XPO7: variants seen among roughly 807,000 people sequenced by gnomAD.
XPO7 encodes the protein exportin-7.
In XPO7, 21 loss-of-function variants were observed where a neutral mutation model predicts 144.3. The observed-to-expected ratio is 0.15, with a 90% CI of 0.10 to 0.21. The LOEUF (loss-of-function observed/expected upper bound fraction) is 0.21, where lower values mean the gene tolerates loss of function less well. Ranked by LOEUF, XPO7 falls within the 10% of genes least tolerant of loss-of-function variation. The pLI, the probability that XPO7 is intolerant of heterozygous loss-of-function variation, is 1.00. For missense variants in XPO7, 808 were observed against 1,325.8 expected, an observed-to-expected ratio of 0.61 and a Z score of 6.06; for synonymous variants, 580 against 499.6, an observed-to-expected ratio of 1.16 and a Z score of -2.15.
At chr8:21,971,312 A>G (rs1175614336) in intron 4 of XPO7, among the ~76,000 whole-genome samples, 1 of 152,194 alleles carries the variant, frequency 6.6e-6, no homozygotes, top group Admixed American at 6.5e-5. Flanking sequence ...GACTGTATCT[A>G]CTTCCACAAA....
chr8:21,937,956 T>C (rs1810873647), intron 1 of XPO7, among the ~76,000 whole-genome samples: 1 of 152,184 alleles, frequency 6.6e-6, no homozygotes, highest in East Asian at 1.9e-4. Context: ...AAATAAGATA[T>C]AGATAATATT....
intron 1 of XPO7, among the ~76,000 whole-genome samples, chr8:21,932,804 C>G (rs948842124): frequency 6.6e-5 from 10 of 152,120 alleles, no homozygotes; most frequent in Non-Finnish European, 1.3e-4. Flanking sequence ...CAACTGTAGG[C>G]TATTCATTGT....
chr8:21,958,538 C>T (rs2117306372), intron 1 of XPO7, among the ~76,000 whole-genome samples: 1 of 151,656 alleles, frequency 6.6e-6, no homozygotes, highest in Admixed American at 6.6e-5. Context: ...CATAGCACTT[C>T]AGCACTCTGT....
intron 15 of XPO7, chr8:21,988,391 T>A (rs1343330551): frequency 6.4e-6 from 1 of 157,154 alleles, no homozygotes; most frequent in Non-Finnish European, 1.4e-5. Context: ...TTTTATTTTT[T>A]TTTTTACGTT....
intron 8 of XPO7, 25 bp from the exon 9 acceptor site, chr8:21,980,059 T>G (rs1402597530): frequency 6.5e-7 from 1 of 1,546,204 alleles, no homozygotes; most frequent in African/African-American, 1.4e-5. Flanking sequence ...TTAATCGTTG[T>G]GTTTGGGTTC....
chr8:21,982,508 G>A (rs1812439395), intron 10 of XPO7, 132 bp from the exon 11 acceptor site: 8 of 1,089,714 alleles, frequency 7.3e-6, no homozygotes, highest in Non-Finnish European at 1.0e-5. Context: ...GCCATACACA[G>A]AACAAAGCCC....
intron 24 of XPO7, among the ~76,000 whole-genome samples, chr8:22,001,660 C>G (rs1813152239): frequency 6.6e-6 from 1 of 152,226 alleles, no homozygotes; most frequent in South Asian, 2.1e-4. Context: ...CTAATCACAG[C>G]TCCTGCAATT....
intron 14 of XPO7, 27 bp downstream of exon 14, chr8:21,987,303 T>G (rs539730740): frequency 6.2e-7 from 1 of 1,613,444 alleles, no homozygotes; most frequent in East Asian, 2.2e-5. Context: ...TGGCTCCCCT[T>G]AGTTCTCACT....
chr8:22,004,702 T>C (rs1813264562), intron 27 of XPO7, among the ~76,000 whole-genome samples: 1 of 151,852 alleles, frequency 6.6e-6, no homozygotes, highest in African/African-American at 2.4e-5. Context: ...CATTAAGAAA[T>C]GAGATGGCTT....
At chr8:21,987,115 G>A in intron 13 of XPO7, 26 bp from the exon 14 acceptor site, 1 of 1,613,116 alleles carries the variant, frequency 6.2e-7, no homozygotes, top group Non-Finnish European at 8.5e-7. Context: ...CTGCTGTTGA[G>A]AGAATCATTG....
chr8:21,969,311 AT>A (rs1703779365), intron 2 of XPO7, among the ~76,000 whole-genome samples, 171 bp from the exon 3 acceptor site: 1 of 98,508 alleles, frequency 1.0e-5, no homozygotes, highest in Non-Finnish European at 1.9e-5. Context: ...TAATAAACTT[AT>A]GCTATGTGGT....
chr8:21,982,916 T>C (rs554165763), intron 11 of XPO7, 104 bp downstream of exon 11: 92 of 1,343,422 alleles, frequency 6.8e-5, no homozygotes, highest in Middle Eastern at 5.1e-4. Context: ...GCGTGTCTCA[T>C]TGGAGCCACT....
chr8:21,950,498 A>G (rs1811334894), intron 1 of XPO7, among the ~76,000 whole-genome samples: 1 of 152,210 alleles, frequency 6.6e-6, no homozygotes, highest in Non-Finnish European at 1.5e-5. Context: ...TTTAGGTTGC[A>G]TCATGTCTGT....
At position 21,969,428 on chromosome 8, in the gene XPO7, T is replaced by C. The variant is rs181756303; in HGVS notation, c.166-55T>C. On this transcript the variant is annotated intron_variant, in intron 2 of 27. Coordinates refer to ENST00000252512, the MANE Select transcript of XPO7 (RefSeq NM_015024.5). ...AGCAGAGATCTCCAAGTTAAAAACCTTGTGACTGGCTTACTCAATACAATT... is the reference window on the plus strand; with the variant it reads ...AGCAGAGATCTCCAAGTTAAAAACCCTGTGACTGGCTTACTCAATACAATT... 3.8e-3 allele frequency: 5,524 copies of C among 1,470,060 alleles called. 20 individuals are homozygous for C. The highest frequency in any genetic ancestry group is 4.0e-3 in the Non-Finnish European group (4,238 of 1,063,020). The allele number at this position is 1,470,060 out of a possible 1,614,324, so 91.1% of individuals were successfully genotyped here.
Position 21,970,129 on chromosome 8 carries a change from G to C in XPO7, c.260-15G>C, listed in dbSNP as rs1226642776. On this transcript the variant is annotated splice_polypyrimidine_tract_variant and intron_variant, in intron 3 of 27. Transcript: ENST00000252512. ...ATTATGTGGATTGGTTTTGTTTCTT[G>C]TTTTTTTTTAATAGGGAACTATGTG... 2 of 1,580,544 alleles carry C rather than the reference G, an allele frequency of 1.3e-6. No individual in the cohort carries two copies. The highest frequency in any genetic ancestry group is 1.8e-5 in the Admixed American group (1 of 56,336).
At chr8:22,003,148 T>G in intron 25 of XPO7, 71 bp from the exon 26 acceptor site, 1 of 1,225,302 alleles carries the variant, frequency 8.2e-7, no homozygotes. Flanking sequence ...CTCCTGTATT[T>G]GGAATCTGTC....
chr8:21,998,657 A>C, intron 21 of XPO7, 98 bp from the exon 22 acceptor site: 1 of 938,854 alleles, frequency 1.1e-6, no homozygotes, highest in Non-Finnish European at 1.6e-6. Flanking sequence ...CTTAATGTAA[A>C]TGCAGGATCA....
Position 22,005,624 on chromosome 8 carries a change from CAGT to C in XPO7, c.*539_*541del, listed in dbSNP as rs1332905190. Reference sequence around the variant, plus strand: ...GAGTGCAGAGATATATTTAGTGACACAGTAGAGAGGCAAAAAAAAAGCTAAAAT... The same window carrying C: ...GAGTGCAGAGATATATTTAGTGACACAGAGAGGCAAAAAAAAAGCTAAAAT... On this transcript the variant is annotated 3_prime_UTR_variant, in exon 28 of 28. Coordinates refer to ENST00000252512, the MANE Select transcript of XPO7 (RefSeq NM_015024.5). 1 of 152,114 alleles carries C rather than the reference CAGT, an allele frequency of 6.6e-6. No homozygotes were observed. Among genetic ancestry groups the C allele is most frequent in the Non-Finnish European group, 1.5e-5 (1 of 68,020 alleles). 9.4% of individuals were successfully genotyped at this position (152,114 alleles called of 1,614,324 possible).
intron 19 of XPO7, among the ~76,000 whole-genome samples, chr8:21,992,340 GAA>G (rs1812798070): frequency 6.6e-6 from 1 of 151,544 alleles, no homozygotes; most frequent in African/African-American, 2.4e-5. Flanking sequence ...GTAAAAAACA[GAA>G]AGTTTACCAT....
Sources: gnomAD v4.1 joint callset for allele counts (sites outside exome capture counted in the v4.1 genomes callset) on GRCh38, gnomAD v4.1.1 for gene constraint, MANE v1.5 for transcripts, NCBI Gene and HGNC (gene_info 2026-07-23, HGNC 2026-07-21) for gene names.